The following METAP1D variants were observed in gnomAD, a reference collection of about 807,000 sequenced individuals.
METAP1D encodes the protein methionine aminopeptidase 1D, mitochondrial.
Under a neutral mutation model 40.5 loss-of-function variants are expected in METAP1D, and 31 were observed. That is an observed-to-expected ratio of 0.77 (90% CI 0.58 to 1.03). The LOEUF (loss-of-function observed/expected upper bound fraction) is 1.03. METAP1D is among the 50% of genes least tolerant of loss of function. METAP1D has a pLI of 0.00. For missense variants in METAP1D, 411 were observed against 420.7 expected, an observed-to-expected ratio of 0.98 and a Z score of 0.20; for synonymous variants, 151 against 146.4, an observed-to-expected ratio of 1.03 and a Z score of -0.22.
chr2:172,070,521 A>G (rs1690397443), intron 5 of METAP1D: 1 of 152,742 alleles, frequency 6.5e-6, no homozygotes, highest in Non-Finnish European at 1.5e-5. Flanking sequence ...ACTTTTCACT[A>G]TGTTAAATAC....
intron 6 of METAP1D, among the ~76,000 whole-genome samples, chr2:172,075,021 T>C (rs960019275): frequency 6.6e-6 from 1 of 152,202 alleles, no homozygotes; most frequent in Non-Finnish European, 1.5e-5. Context: ...TTAAATTGAG[T>C]ATAACTGCCT....
rs902073257 is a variant in METAP1D at position 172,065,487 on chromosome 2, C to T, written c.349-117C>T. 5.9e-6 allele frequency: 6 copies of T among 1,014,772 alleles called. No individual in the cohort carries two copies. The African/African-American group carries it at 8.0e-5, about 14-fold the overall frequency. The allele number at this position is 1,014,772 out of a possible 1,614,324, so 62.9% of individuals were successfully genotyped here. On this transcript the variant is annotated intron_variant, in intron 3 of 9. Transcript: ENST00000315796. ...AATTAATTCAAATGTTGTACCATAACTTTATCATAGTAAATTTATACAGTC... is the reference window on the plus strand; with the variant it reads ...AATTAATTCAAATGTTGTACCATAATTTTATCATAGTAAATTTATACAGTC...
At chr2:172,073,181 A>C (rs1246985579) in intron 6 of METAP1D, among the ~76,000 whole-genome samples, 1 of 152,204 alleles carries the variant, frequency 6.6e-6, no homozygotes, top group Non-Finnish European at 1.5e-5. Context: ...CTCACATTCA[A>C]GTGGCGGCTG....
intron 1 of METAP1D, among the ~76,000 whole-genome samples, chr2:172,057,803 A>G (rs1351659813): frequency 2.0e-5 from 3 of 152,156 alleles, no homozygotes; most frequent in Non-Finnish European, 2.9e-5. Context: ...CACAATTCAT[A>G]CAGTTTCTGT....
chr2:172,016,238 T>C (rs1688850137), intron 1 of METAP1D, among the ~76,000 whole-genome samples: 1 of 118,258 alleles, frequency 8.5e-6, no homozygotes, highest in African/African-American at 3.3e-5. Context: ...ATCATGCCAC[T>C]GCACTCCAGC....
intron 1 of METAP1D, among the ~76,000 whole-genome samples, chr2:172,005,517 A>ATTTT (rs201489655): frequency 5.6e-5 from 5 of 89,582 alleles, no homozygotes; most frequent in Non-Finnish European, 1.2e-4. Flanking sequence ...TGGTGTCTGT[A>ATTTT]TTTTATATAT....
intron 1 of METAP1D, among the ~76,000 whole-genome samples, chr2:172,052,753 A>G (rs1689912497): frequency 6.6e-6 from 1 of 152,118 alleles, no homozygotes; most frequent in South Asian, 2.1e-4. Flanking sequence ...ATAGAGCTGT[A>G]TTAATTGTTT....
At position 172,045,697 on chromosome 2, in the gene METAP1D, ATATGTGTGTG is replaced by A. The variant is rs1307376017; in HGVS notation, c.41-15799_41-15790del. ...AAAAAAAAAAAAGGATCATTCATAT[ATATGTGTGTG>A]TGTGTGTGTGTGTGTGTGTGTGTGT... On this transcript the variant is annotated intron_variant, in intron 1 of 9. Coordinates refer to ENST00000315796, the MANE Select transcript of METAP1D (RefSeq NM_199227.3). Among the ~76,000 whole-genome samples the A allele has an allele frequency of 4.6e-5, 3 of 65,920 alleles. No homozygotes were observed. The East Asian group carries it at 9.6e-4, about 21-fold the overall frequency. 43.2% of individuals were successfully genotyped at this position (65,920 alleles called of 152,430 possible). A position where few individuals can be genotyped will look rare whatever the true frequency, so the allele number is the denominator to read the frequency against.
chr2:172,017,361 A>G (rs751468496), intron 1 of METAP1D, among the ~76,000 whole-genome samples: 2 of 147,928 alleles, frequency 1.4e-5, no homozygotes, highest in Non-Finnish European at 3.0e-5. Context: ...ATAGGTATAT[A>G]TGTATATATA....
In METAP1D at chr2:172,080,822, T is replaced by G. The variant is rs190130720; in HGVS notation, c.*416T>G. The G allele has an allele frequency of 1.4e-3, 291 of 207,934 alleles. 5 individuals carry two copies. In the Admixed American group the frequency reaches 0.014, roughly 10 times the overall value. 12.9% of individuals were successfully genotyped at this position (207,934 alleles called of 1,614,324 possible). A position where few individuals can be genotyped will look rare whatever the true frequency, so the allele number is the denominator to read the frequency against. On this transcript the variant is annotated 3_prime_UTR_variant, in exon 10 of 10. Transcript: ENST00000315796. Reference sequence around the variant, plus strand: ...TACAGTGATCTTTGTATCTGAACTTTGCACGTCTGCCGAAAAATCCGAACC... The same window carrying G: ...TACAGTGATCTTTGTATCTGAACTTGGCACGTCTGCCGAAAAATCCGAACC...
chr2:172,016,328 T>TATAC (rs1558995271), intron 1 of METAP1D, among the ~76,000 whole-genome samples: 5 of 85,288 alleles, frequency 5.9e-5, no homozygotes, highest in Admixed American at 1.4e-4. Context: ...TATATATATA[T>TATAC]ATAAATAGTC....
intron 1 of METAP1D, among the ~76,000 whole-genome samples, chr2:172,031,126 T>C (rs989844262): frequency 5.3e-5 from 8 of 152,216 alleles, no homozygotes; most frequent in Admixed American, 1.3e-4. Flanking sequence ...ATTGGAAAGG[T>C]CCACTGGCCC....
At chr2:172,066,387 A>T in intron 5 of METAP1D, 81 bp downstream of exon 5, 2 of 1,175,642 alleles carry the variant, frequency 1.7e-6, no homozygotes, top group Non-Finnish European at 2.5e-6. Context: ...TGAAAATGTG[A>T]ACTGCACCAG....
chr2:172,071,076 C>A lies in METAP1D; in HGVS notation c.704+6C>A, dbSNP rs1425508701. 2.5e-6 allele frequency: 4 copies of A among 1,597,982 alleles called. No individual in the cohort carries two copies. Among genetic ancestry groups the A allele is most frequent in the Non-Finnish European group, 3.4e-6 (4 of 1,172,024 alleles). Reference sequence around the variant, plus strand: ...GTAATTGGAAACACAATCAGGTAAGCCTTACATTGACAAGTAAAGGGAGGG... The same window carrying A: ...GTAATTGGAAACACAATCAGGTAAGACTTACATTGACAAGTAAAGGGAGGG... On this transcript the variant is annotated splice_donor_region_variant and intron_variant, in intron 6 of 9. Transcript: ENST00000315796.
chr2:172,040,054 T>C (rs1031673582), intron 1 of METAP1D, among the ~76,000 whole-genome samples: 1 of 150,776 alleles, frequency 6.6e-6, no homozygotes, highest in Non-Finnish European at 1.5e-5. Flanking sequence ...GCCTGCCGGG[T>C]TCAAGCGATT....
At chr2:172,021,326 G>T (rs1689004117) in intron 1 of METAP1D, among the ~76,000 whole-genome samples, 1 of 152,168 alleles carries the variant, frequency 6.6e-6, no homozygotes, top group Non-Finnish European at 1.5e-5. Context: ...GTCTGTTTCT[G>T]CAGGGAAAAT....
intron 7 of METAP1D, 77 bp from the exon 8 acceptor site, chr2:172,079,138 C>T: frequency 6.9e-7 from 1 of 1,458,678 alleles, no homozygotes; most frequent in Non-Finnish European, 9.6e-7. Flanking sequence ...TTTAAAGGGG[C>T]CTGACCCCTG....
At chr2:172,030,813 G>A (rs751391711) in intron 1 of METAP1D, among the ~76,000 whole-genome samples, 1 of 152,130 alleles carries the variant, frequency 6.6e-6, no homozygotes, top group Admixed American at 6.5e-5. Context: ...TGAACCAGTT[G>A]TTAAAGAATG....
At chr2:172,061,097 G>A (rs772022002) in intron 1 of METAP1D, among the ~76,000 whole-genome samples, 12 of 152,284 alleles carry the variant, frequency 7.9e-5, no homozygotes, top group Admixed American at 2.0e-4. Flanking sequence ...CAATTTGTCC[G>A]TGATTCTTGA....
Sources: gnomAD v4.1 joint callset for allele counts (sites outside exome capture counted in the v4.1 genomes callset) on GRCh38, gnomAD v4.1.1 for gene constraint, MANE v1.5 for transcripts, NCBI Gene and HGNC (gene_info 2026-07-23, HGNC 2026-07-21) for gene names.